COL25A1: variants seen among roughly 807,000 people sequenced by gnomAD.
The protein encoded by COL25A1 is collagen type XXV alpha 1 chain, also known as collagen alpha-1(XXV) chain.
COL25A1 carries 103 observed loss-of-function variants against 128.4 expected under a neutral mutation model. The observed-to-expected ratio is 0.80, with a 90% CI of 0.68 to 0.94. The LOEUF (loss-of-function observed/expected upper bound fraction) is 0.94, where lower values mean the gene tolerates loss of function less well. Among genes scored for constraint, COL25A1 ranks in the 40% least tolerant of loss-of-function variants. The pLI is 0.00. For missense variants in COL25A1, 745 were observed against 840.0 expected, an observed-to-expected ratio of 0.89 and a Z score of 1.40; for synonymous variants, 279 against 277.2, an observed-to-expected ratio of 1.01 and a Z score of -0.06.
At chr4:108,844,309 A>T (rs1047165795) in intron 30 of COL25A1, among the ~76,000 whole-genome samples, 3 of 152,212 alleles carry the variant, frequency 2.0e-5, no homozygotes, top group African/African-American at 4.8e-5. Flanking sequence ...TCTGTCGCAA[A>T]ACTACTCTAT....
intron 19 of COL25A1, among the ~76,000 whole-genome samples, chr4:108,878,929 G>A (rs187620579): frequency 9.2e-5 from 14 of 152,252 alleles, no homozygotes; most frequent in Non-Finnish European, 1.5e-4. Context: ...AATGTTATTC[G>A]TTTAACCGGT....
intron 13 of COL25A1, among the ~76,000 whole-genome samples, chr4:108,915,859 A>G (rs1327396485): frequency 2.0e-5 from 3 of 152,190 alleles, no homozygotes. Flanking sequence ...TCTTACTAAA[A>G]CAAAATTATT....
chr4:109,222,266 G>C (rs1249516442), intron 3 of COL25A1, among the ~76,000 whole-genome samples: 3 of 151,788 alleles, frequency 2.0e-5, no homozygotes, highest in Admixed American at 1.3e-4. Context: ...GTTTCACCAT[G>C]TTGGCCAGGA....
intron 3 of COL25A1, among the ~76,000 whole-genome samples, chr4:109,068,064 G>A (rs915950736): frequency 2.0e-5 from 3 of 152,134 alleles, no homozygotes; most frequent in Non-Finnish European, 4.4e-5. Context: ...CATTGCTTTC[G>A]GTGGCTCCTC....
At chr4:108,951,766 T>C (rs1236820369) in intron 8 of COL25A1, among the ~76,000 whole-genome samples, 1 of 148,842 alleles carries the variant, frequency 6.7e-6, no homozygotes, top group Non-Finnish European at 1.5e-5. Flanking sequence ...TGAACAGATG[T>C]AAGGCTATTT....
rs190768923 is a variant in COL25A1, at chr4:109,199,261, T to C, written c.367+101322A>G. Among the ~76,000 whole-genome samples the C allele has an allele frequency of 3.3e-5, 5 of 152,364 alleles. No individual in the cohort carries two copies. In the East Asian group the frequency reaches 7.7e-4, roughly 24 times the overall value. On this transcript the variant is annotated intron_variant, in intron 3 of 37. Coordinates refer to ENST00000399132, the MANE Select transcript of COL25A1 (RefSeq NM_198721.4). ...CAAAATCTAATAGATCCCTGTCATGTCTTTATCACCACGATGTGTACTTCT... is the reference window on the plus strand; with the variant it reads ...CAAAATCTAATAGATCCCTGTCATGCCTTTATCACCACGATGTGTACTTCT...
chr4:108,827,248 C>G, intron 32 of COL25A1, 60 bp from the exon 33 acceptor site: 1 of 1,380,598 alleles, frequency 7.2e-7, no homozygotes, highest in Non-Finnish European at 1.0e-6. Flanking sequence ...CACACTTTCT[C>G]TCATGCCCTA....
At chr4:109,041,756 A>G (rs1232459055) in intron 5 of COL25A1, among the ~76,000 whole-genome samples, 1 of 152,062 alleles carries the variant, frequency 6.6e-6, no homozygotes, top group Non-Finnish European at 1.5e-5. Flanking sequence ...AAATCCTCCC[A>G]TCTGACCCTC....
intron 3 of COL25A1, among the ~76,000 whole-genome samples, chr4:109,223,408 A>C (rs991309883): frequency 1.2e-4 from 18 of 150,624 alleles, no homozygotes; most frequent in African/African-American, 2.2e-4. Context: ...TCCCCCCCCC[A>C]AAAAAAACTG....
intron 3 of COL25A1, among the ~76,000 whole-genome samples, chr4:109,177,440 C>T (rs1774205495): frequency 6.6e-6 from 1 of 152,196 alleles, no homozygotes; most frequent in South Asian, 2.1e-4. Context: ...TTGCGTTACT[C>T]CAGGGACAAA....
At chr4:109,052,940 C>A (rs1761123445) in intron 3 of COL25A1, among the ~76,000 whole-genome samples, 1 of 152,138 alleles carries the variant, frequency 6.6e-6, no homozygotes. Flanking sequence ...GAAGCTGGAA[C>A]ATGGCTCTCA....
intron 3 of COL25A1, among the ~76,000 whole-genome samples, chr4:109,223,564 G>A (rs780499668): frequency 6.6e-6 from 1 of 152,110 alleles, no homozygotes; most frequent in Non-Finnish European, 1.5e-5. Flanking sequence ...AAGAAAGTGA[G>A]TGGGGACATC....
chr4:109,016,322 T>A (rs949680672), intron 5 of COL25A1, among the ~76,000 whole-genome samples: 4 of 152,240 alleles, frequency 2.6e-5, no homozygotes, highest in African/African-American at 9.6e-5. Flanking sequence ...GAGCAAAGAA[T>A]GGAGGCCAGT....
At position 109,000,668 on chromosome 4, in the gene COL25A1, C is replaced by T. The variant is rs531857971; in HGVS notation, c.438+9690G>A. Among the ~76,000 whole-genome samples, 457 of 133,108 alleles carry T rather than the reference C, an allele frequency of 3.4e-3. 2 individuals are homozygous for T. The highest frequency in any genetic ancestry group is 3.9e-3 in the Non-Finnish European group (251 of 64,058). The allele number at this position is 133,108 out of a possible 152,430, so 87.3% of individuals were successfully genotyped here. A position where few individuals can be genotyped will look rare whatever the true frequency, so the allele number is the denominator to read the frequency against. ...GGCTGAGGCAGGAGAATAATTTTAACCCCGGAGGCAAAGGTTGCAGTGAGC... is the reference window on the plus strand; with the variant it reads ...GGCTGAGGCAGGAGAATAATTTTAATCCCGGAGGCAAAGGTTGCAGTGAGC... On this transcript the variant is annotated intron_variant, in intron 6 of 37. Coordinates refer to ENST00000399132, the MANE Select transcript of COL25A1 (RefSeq NM_198721.4).
chr4:109,092,563 C>T (rs1169892930), intron 3 of COL25A1, among the ~76,000 whole-genome samples: 4 of 152,202 alleles, frequency 2.6e-5, no homozygotes, highest in South Asian at 2.1e-4. Context: ...TCTGGGGCAA[C>T]GCTCAAGGTC....
intron 5 of COL25A1, among the ~76,000 whole-genome samples, chr4:109,021,426 TA>T (rs1158515705): frequency 6.6e-6 from 1 of 152,210 alleles, no homozygotes; most frequent in African/African-American, 2.4e-5. Flanking sequence ...AATAATTTCT[TA>T]TGCCTGTCTT....
At chr4:109,013,278 T>C (rs1003271378) in intron 5 of COL25A1, among the ~76,000 whole-genome samples, 1 of 145,998 alleles carries the variant, frequency 6.8e-6, no homozygotes, top group Non-Finnish European at 1.5e-5. Flanking sequence ...TGGAGAACTT[T>C]TACATCTAGC....
In COL25A1 at chr4:108,846,226, A is replaced by G. The variant is rs367991152; in HGVS notation, c.1435-7T>C. ...CCTTTGAGCCTTTGAGTCCCTAAAAATGATAGACAAGGTTGGCATGTAAGC... is the reference window on the plus strand; with the variant it reads ...CCTTTGAGCCTTTGAGTCCCTAAAAGTGATAGACAAGGTTGGCATGTAAGC... On this transcript the variant is annotated splice_region_variant and splice_polypyrimidine_tract_variant and intron_variant, in intron 27 of 37. Transcript: ENST00000399132. The G allele has an allele frequency of 4.7e-5, 74 of 1,590,516 alleles. No individual in the cohort carries two copies. The African/African-American group carries it at 8.6e-4, about 18-fold the overall frequency.
At chr4:109,165,202 A>C (rs1219837896) in intron 3 of COL25A1, among the ~76,000 whole-genome samples, 1 of 152,132 alleles carries the variant, frequency 6.6e-6, no homozygotes, top group African/African-American at 2.4e-5. Context: ...GGGCGATTTA[A>C]ATTTTTTTTA....
Sources: gnomAD v4.1 joint callset for allele counts (sites outside exome capture counted in the v4.1 genomes callset) on GRCh38, gnomAD v4.1.1 for gene constraint, MANE v1.5 for transcripts, NCBI Gene and HGNC (gene_info 2026-07-23, HGNC 2026-07-21) for gene names.